CCDC33: variants seen among roughly 807,000 people sequenced by gnomAD.
The protein encoded by CCDC33 is coiled-coil domain-containing protein 33.
A neutral mutation model predicts 91.9 loss-of-function variants in CCDC33; 94 were observed. The ratio of observed to expected loss-of-function variants is 1.02; its 90% confidence interval spans 0.87 to 1.21. CCDC33 has a LOEUF of 1.21. Ranked by LOEUF, CCDC33 falls within the 50% of genes most tolerant of loss-of-function variation. The pLI is 0.00. For missense variants in CCDC33, 940 were observed against 935.5 expected (o/e 1.00, Z -0.06); for synonymous variants, 396 against 374.5 (o/e 1.06, Z -0.66).
intron 11 of CCDC33, among the ~76,000 whole-genome samples, chr15:74,296,164 C>T (rs2059682681): frequency 6.6e-6 from 1 of 152,204 alleles, no homozygotes. Context: ...GTGGAACTCC[C>T]GTGTAATTTC....
intron 7 of CCDC33, among the ~76,000 whole-genome samples, chr15:74,275,649 G>T (rs903557522): frequency 2.0e-5 from 3 of 151,878 alleles, no homozygotes; most frequent in Non-Finnish European, 4.4e-5. Context: ...CAAATAGAAT[G>T]AAAGACCAGC....
chr15:74,307,227 G>A (rs2059908395), intron 11 of CCDC33, among the ~76,000 whole-genome samples: 1 of 152,218 alleles, frequency 6.6e-6, no homozygotes, highest in African/African-American at 2.4e-5. Context: ...GGGAGAAAGA[G>A]TTGCTAACCT....
At chr15:74,317,285 C>T (rs982163227) in intron 11 of CCDC33, among the ~76,000 whole-genome samples, 6 of 152,240 alleles carry the variant, frequency 3.9e-5, no homozygotes, top group South Asian at 4.1e-4. Flanking sequence ...GGCATGAACC[C>T]GGGAGGCGGA....
intron 18 of CCDC33, 37 bp from the exon 19 acceptor site, chr15:74,335,888 T>TG (rs1203583951): frequency 1.3e-6 from 2 of 1,488,342 alleles, no homozygotes; most frequent in African/African-American, 1.4e-5. Context: ...CCCCTGGGAA[T>TG]GGGGGGTACT....
Position 74,218,596 on chromosome 15 carries a change from C to T in CCDC33, c.410C>T (p.Ala137Val), listed in dbSNP as rs1305656870. The change falls in exon 2 of 3, where the codon GCC becomes GTC. Residue 137 changes from alanine to valine, a missense_variant. Coordinates refer to the CCDC33 transcript ENST00000635913. The surrounding 1 kb of genome is among the most constrained non-coding windows in gnomAD (Gnocchi z 4.8). ...CGGGCAGCCCAGCGGGTGGGTGAGG[C>T]CATCTTCCCCATCTACCCGAGGCCA... 2 of 1,289,848 alleles carry T rather than the reference C, an allele frequency of 1.6e-6. No homozygotes were observed. The highest frequency in any genetic ancestry group is 4.6e-5 in the Admixed American group (2 of 43,566). The allele number at this position is 1,289,848 out of a possible 1,614,324, so 79.9% of individuals were successfully genotyped here.
upstream of CCDC33, among the ~76,000 whole-genome samples, chr15:74,215,709 G>T (rs988807464): frequency 1.1e-4 from 17 of 152,008 alleles, no homozygotes; most frequent in Admixed American, 2.0e-4. Context: ...TTTGTAGAAA[G>T]TTGGAGGGAG....
intron 1 of CCDC33, among the ~76,000 whole-genome samples, chr15:74,242,130 G>C (rs351153): frequency 0.41 from 62,857 of 152,146 alleles, 13,774 homozygotes; most frequent in East Asian, 0.65. Flanking sequence ...TTTTCTTTCT[G>C]TCTGCCTGAG....
chr15:74,256,832 C>T (rs2075880756), intron 2 of CCDC33, among the ~76,000 whole-genome samples: 1 of 152,252 alleles, frequency 6.6e-6, no homozygotes, highest in African/African-American at 2.4e-5. Flanking sequence ...TCACAAAGCT[C>T]TGTGGGCTGT....
At chr15:74,251,286 G>A (rs2075700761) in intron 2 of CCDC33, among the ~76,000 whole-genome samples, 1 of 152,364 alleles carries the variant, frequency 6.6e-6, no homozygotes, top group Non-Finnish European at 1.5e-5. Context: ...GACTGGTCTA[G>A]GCCTGGCTCA....
At position 74,266,729 on chromosome 15, in the gene CCDC33, AC is replaced by A; in HGVS notation, c.372del (p.Tyr124Ter). The part of the protein sequence containing the change: ...DNRKKQELLS[Y>X]KIPIKYLRVF... ...AGAAAGAAACAGGAGTTGTTGTCCT[AC>A]AAAATCCCCATCAAGTACCTGCGTG... On this transcript the variant is annotated frameshift_variant, in exon 4 of 19. Coordinates refer to ENST00000398814, the MANE Select transcript of CCDC33 (RefSeq NM_025055.5). LOFTEE classifies it high-confidence loss of function. 1 of 1,614,246 alleles carries A rather than the reference AC, an allele frequency of 6.2e-7. No homozygotes were observed. Among genetic ancestry groups the A allele is most frequent in the Non-Finnish European group, 8.5e-7 (1 of 1,180,040 alleles).
At chr15:74,263,914 C>T (rs1332536673) in intron 3 of CCDC33, among the ~76,000 whole-genome samples, 1 of 151,778 alleles carries the variant, frequency 6.6e-6, no homozygotes, top group Non-Finnish European at 1.5e-5. Flanking sequence ...TGTATGCATG[C>T]ATGTATTTAT....
chr15:74,281,702 A>G, intron 9 of CCDC33, 76 bp from the exon 10 acceptor site: 1 of 1,313,090 alleles, frequency 7.6e-7, no homozygotes, highest in Admixed American at 1.7e-5. Flanking sequence ...TTCCAGAGAA[A>G]TCTAGAACAG....
Position 74,268,378 on chromosome 15 carries a change from A to C in CCDC33, c.466A>C (p.Lys156Gln), listed in dbSNP as rs760236283. The change falls in exon 5 of 19, where the codon AAG becomes CAG. Residue 156 changes from lysine (K) to glutamine (Q), a missense_variant. Lys to Gln is a moderately conservative substitution (Grantham distance 53). Coordinates refer to ENST00000398814, the MANE Select transcript of CCDC33 (RefSeq NM_025055.5). Reference protein sequence around the residue: ...ESGKADEATAKTQLYATVVRK... With the variant: ...ESGKADEATAQTQLYATVVRK... Reference sequence around the variant, plus strand: ...TGGGAAAGCCGATGAAGCCACTGCCAAGACCCAGTTGTACGCAACAGTCGT... The same window carrying C: ...TGGGAAAGCCGATGAAGCCACTGCCCAGACCCAGTTGTACGCAACAGTCGT... 6.2e-7 allele frequency: 1 copy of C among 1,613,792 alleles called. No homozygotes were observed. The highest frequency in any genetic ancestry group is 1.1e-5 in the South Asian group (1 of 91,076).
intron 1 of CCDC33, among the ~76,000 whole-genome samples, chr15:74,237,694 G>T (rs1303877276): frequency 6.6e-6 from 1 of 152,090 alleles, no homozygotes; most frequent in Non-Finnish European, 1.5e-5. Flanking sequence ...TCACCAGGTT[G>T]ACCTGGCACC....
chr15:74,266,972 T>C (rs781649372), intron 4 of CCDC33, among the ~76,000 whole-genome samples, 185 bp downstream of exon 4: 10 of 126,258 alleles, frequency 7.9e-5, no homozygotes, highest in Non-Finnish European at 1.5e-4. Context: ...TACAAGAATT[T>C]GGAATTCTCC....
chr15:74,309,929 C>G (rs911047725), intron 11 of CCDC33, among the ~76,000 whole-genome samples: 1 of 152,090 alleles, frequency 6.6e-6, no homozygotes, highest in Non-Finnish European at 1.5e-5. Flanking sequence ...AGGAGGATCA[C>G]TTGAGACCAG....
intron 10 of CCDC33, among the ~76,000 whole-genome samples, chr15:74,283,815 CA>C (rs1294899962): frequency 4.6e-5 from 7 of 151,964 alleles, no homozygotes; most frequent in African/African-American, 1.7e-4. Flanking sequence ...CACACACACA[CA>C]CACCCCCTCT....
chr15:74,279,812 C>G, intron 7 of CCDC33, 151 bp from the exon 8 acceptor site: 1 of 1,028,928 alleles, frequency 9.7e-7, no homozygotes, highest in Non-Finnish European at 1.4e-6. Flanking sequence ...GCTGGAATTA[C>G]AGGCGTGAGC....
At chr15:74,283,653 C>G (rs2059414894) in intron 10 of CCDC33, among the ~76,000 whole-genome samples, 1 of 152,096 alleles carries the variant, frequency 6.6e-6, no homozygotes, top group Non-Finnish European at 1.5e-5. Context: ...CGTCTCCTTC[C>G]CCCAACCCCC....
Sources: allele counts gnomAD v4.1 joint callset (sites outside exome capture counted in the v4.1 genomes callset), GRCh38; gene constraint gnomAD v4.1.1; non-coding constraint Gnocchi (gnomAD v3.1); transcripts MANE v1.5; gene names NCBI Gene and HGNC (gene_info 2026-07-23, HGNC 2026-07-21).